The following HSD17B12 variants were observed in gnomAD, a reference collection of about 807,000 sequenced individuals.
HSD17B12 encodes hydroxysteroid 17-beta dehydrogenase 12.
HSD17B12 carries 32 observed loss-of-function variants against 39.3 expected under a neutral mutation model. The ratio of observed to expected loss-of-function variants is 0.81; its 90% CI spans 0.61 to 1.09. The LOEUF (loss-of-function observed/expected upper bound fraction) is 1.09, where lower values mean the gene tolerates loss of function less well. Among genes scored for constraint, HSD17B12 ranks in the 50% least tolerant of loss-of-function variants. The pLI is 0.00. For missense variants in HSD17B12, 342 were observed against 382.9 expected, an observed-to-expected ratio of 0.89 and a Z score of 0.89; for synonymous variants, 150 against 146.7, an observed-to-expected ratio of 1.02 and a Z score of -0.16.
chr11:43,661,627 A>G, the HSD17B12 span, among the ~76,000 whole-genome samples: 1 of 152,192 alleles, frequency 6.6e-6, no homozygotes. Context: ...TGCCTAGACA[A>G]CATAGTGAGA....
chr11:43,745,685 G>A (rs1950406207), intron 1 of HSD17B12, among the ~76,000 whole-genome samples: 1 of 152,134 alleles, frequency 6.6e-6, no homozygotes, highest in Non-Finnish European at 1.5e-5. Context: ...AGTGGTATTT[G>A]TGTATCTAAA....
chr11:43,689,443 G>C (rs184955249), intron 1 of HSD17B12, among the ~76,000 whole-genome samples: 2 of 152,286 alleles, frequency 1.3e-5, no homozygotes, highest in East Asian at 3.9e-4. Context: ...GTGATGCTCT[G>C]CCTAGATCTC....
chr11:43,840,173 G>A, intron 9 of HSD17B12, 109 bp downstream of exon 9: 1 of 809,620 alleles, frequency 1.2e-6, no homozygotes, highest in South Asian at 1.6e-5. Context: ...GTAAGTGAAT[G>A]TGACATTAGC....
the HSD17B12 span, among the ~76,000 whole-genome samples, chr11:43,617,881 T>C: frequency 6.6e-6 from 1 of 152,202 alleles, no homozygotes; most frequent in African/African-American, 2.4e-5. Context: ...TAGTGAATCA[T>C]CTCCCTAAGT....
At chr11:43,785,343 A>T (rs937597322) in intron 3 of HSD17B12, among the ~76,000 whole-genome samples, 13 of 152,188 alleles carry the variant, frequency 8.5e-5, no homozygotes, top group African/African-American at 3.1e-4. Flanking sequence ...CCTGGGAAAA[A>T]GGTTGAATAC....
intron 1 of HSD17B12, among the ~76,000 whole-genome samples, chr11:43,713,097 T>A (rs180770866): frequency 3.3e-5 from 5 of 152,330 alleles, no homozygotes; most frequent in African/African-American, 1.2e-4. Flanking sequence ...ATATTCTGTA[T>A]CTACACTGTA....
At chr11:43,647,000 T>C in the HSD17B12 span, among the ~76,000 whole-genome samples, 1 of 152,228 alleles carries the variant, frequency 6.6e-6, no homozygotes, top group Non-Finnish European at 1.5e-5. Context: ...TCAACGAAAC[T>C]GTTTTCAATG....
intron 3 of HSD17B12, among the ~76,000 whole-genome samples, chr11:43,765,294 A>G (rs1354012333): frequency 6.6e-6 from 1 of 152,006 alleles, no homozygotes; most frequent in African/African-American, 2.4e-5. Flanking sequence ...TGGGTATAAA[A>G]TTATAGATAG....
chr11:43,560,371 GTGTCAACA>G, the HSD17B12 span, among the ~76,000 whole-genome samples: 1 of 152,196 alleles, frequency 6.6e-6, no homozygotes, highest in African/African-American at 2.4e-5. Context: ...CTTTCCTTCT[GTGTCAACA>G]TTTTCAGCAT....
At chr11:43,724,149 T>C (rs999950025) in intron 1 of HSD17B12, 1 of 152,084 alleles carries the variant, frequency 6.6e-6, no homozygotes, top group African/African-American at 2.4e-5. Context: ...CATTGGGGAT[T>C]CTCTTCATGG....
At chr11:43,639,308 G>C in the HSD17B12 span, among the ~76,000 whole-genome samples, 1 of 152,178 alleles carries the variant, frequency 6.6e-6, no homozygotes, top group Admixed American at 6.5e-5. Context: ...TGGGAGAAAG[G>C]CTTCAGGAAA....
At chr11:43,778,331 T>A (rs1950730546) in intron 3 of HSD17B12, among the ~76,000 whole-genome samples, 2 of 152,152 alleles carry the variant, frequency 1.3e-5, no homozygotes, top group Admixed American at 1.3e-4. Flanking sequence ...TCTGAAATTG[T>A]GGCAATAATC....
At chr11:43,635,134 G>A in the HSD17B12 span, among the ~76,000 whole-genome samples, 3 of 152,154 alleles carry the variant, frequency 2.0e-5, no homozygotes, top group Non-Finnish European at 2.9e-5. Flanking sequence ...TAGAGATGAT[G>A]TAGATACATT....
At chr11:43,723,782 T>G (rs1440117617) in intron 1 of HSD17B12, among the ~76,000 whole-genome samples, 2 of 152,178 alleles carry the variant, frequency 1.3e-5, no homozygotes, top group Non-Finnish European at 2.9e-5. Flanking sequence ...TGCAGCGCAG[T>G]GGTTTATTTT....
At chr11:43,573,876 C>A in the HSD17B12 span, among the ~76,000 whole-genome samples, 2 of 152,166 alleles carry the variant, frequency 1.3e-5, no homozygotes, top group African/African-American at 4.8e-5. Flanking sequence ...TCCAAGGAGA[C>A]TTTATTGAAA....
At chr11:43,823,593 C>G (rs1000812133) in intron 6 of HSD17B12, among the ~76,000 whole-genome samples, 1 of 152,036 alleles carries the variant, frequency 6.6e-6, no homozygotes, top group Admixed American at 6.6e-5. Context: ...TAGATTGAGT[C>G]TCTCTTTCAG....
chr11:43,832,225 A>G (rs1453880496), intron 7 of HSD17B12, among the ~76,000 whole-genome samples: 1 of 152,194 alleles, frequency 6.6e-6, no homozygotes, highest in African/African-American at 2.4e-5. Flanking sequence ...AGTTGGGGCA[A>G]AGTAGAACCC....
rs527404167 is a variant in HSD17B12, at chr11:43,681,223, C to A, written c.160+236C>A. ...GCTCGCTCAATCCTGGGAATCTAAGCTCAGCTTAGGGTGTAGGAGAAAACT... is the reference window on the plus strand; with the variant it reads ...GCTCGCTCAATCCTGGGAATCTAAGATCAGCTTAGGGTGTAGGAGAAAACT... On this transcript the variant is annotated intron_variant, in intron 1 of 10. Transcript: ENST00000278353. The A allele has an allele frequency of 1.1e-5, 13 of 1,237,612 alleles. No individual in the cohort carries two copies. The African/African-American group carries it at 1.9e-4, about 18-fold the overall frequency. 76.7% of individuals were successfully genotyped at this position (1,237,612 alleles called of 1,614,324 possible).
At chr11:43,583,327 G>T in the HSD17B12 span, among the ~76,000 whole-genome samples, 4 of 152,338 alleles carry the variant, frequency 2.6e-5, no homozygotes, top group South Asian at 6.2e-4. Flanking sequence ...GTGCGGCACC[G>T]GAGCGAGTCC....
Sources: gnomAD v4.1 joint callset for allele counts (sites outside exome capture counted in the v4.1 genomes callset) on GRCh38, gnomAD v4.1.1 for gene constraint, MANE v1.5 for transcripts, NCBI Gene and HGNC (gene_info 2026-07-23, HGNC 2026-07-21) for gene names.